IRF8: variants seen among roughly 807,000 people sequenced by gnomAD.
IRF8 encodes the protein interferon regulatory factor 8.
IRF8 carries 14 observed loss-of-function variants against 48.7 expected under a neutral mutation model. The ratio of observed to expected loss-of-function variants is 0.29; its 90% CI spans 0.19 to 0.45. The LOEUF is 0.45. Among genes scored for constraint, IRF8 ranks in the 20% least tolerant of loss-of-function variants. The pLI is 1.00. For missense variants in IRF8, 493 were observed against 580.7 expected, an observed-to-expected ratio of 0.85 and a Z score of 1.55; for synonymous variants, 278 against 227.3, an observed-to-expected ratio of 1.22 and a Z score of -2.01.
chr16:85,921,276 C>A lies in IRF8; in HGVS notation c.1275C>A (p.Thr425=). 1.2e-6 allele frequency: 2 copies of A among 1,613,716 alleles called. No individual in the cohort carries two copies. Among genetic ancestry groups the A allele is most frequent in the East Asian group, 4.5e-5 (2 of 44,888 alleles). Residue 425 remains threonine (T), a synonymous_variant, in exon 9 of 9, where the codon ACC becomes ACA. Coordinates refer to ENST00000268638, the MANE Select transcript of IRF8 (RefSeq NM_002163.4). ...RSFFRENQQI[T]V is the part of the protein sequence containing the mutation. ...TTTTCAGAGAAAACCAACAGATCAC[C>A]GTCTAAGTGCGTCGCTTGGGCGCCC...
chr16:85,901,366 C>T (rs1279758875), intron 1 of IRF8: 3 of 152,142 alleles, frequency 2.0e-5, no homozygotes, highest in African/African-American at 4.8e-5. Flanking sequence ...GTGGCTCACA[C>T]CTGTAATCAC....
intron 5 of IRF8, 169 bp downstream of exon 5, chr16:85,913,405 G>GGGCA (rs1312888649): frequency 3.1e-6 from 2 of 646,532 alleles, no homozygotes; most frequent in Non-Finnish European, 5.6e-6. Context: ...CCCAACATGA[G>GGGCA]GGCAGAGCCC....
chr16:85,904,812 C>CTTTTTTTTTTTTTTTTGTTTTTTTTTT (rs1904942372), intron 2 of IRF8, among the ~76,000 whole-genome samples: 1 of 87,598 alleles, frequency 1.1e-5, no homozygotes, highest in Non-Finnish European at 2.1e-5. Context: ...GATTGCAGAT[C>CTTTTTTTTTTTTTTTTGTTTTTTTTTT]TTTTTTTTTT....
At position 85,915,344 on chromosome 16, in the gene IRF8, G is replaced by A. The variant is rs1021840444; in HGVS notation, c.601+824G>A. Among the ~76,000 whole-genome samples, 5 of 152,240 alleles carry A rather than the reference G, an allele frequency of 3.3e-5. No individual in the cohort carries two copies. The East Asian group carries it at 5.8e-4, about 18-fold the overall frequency. On this transcript the variant is annotated intron_variant, in intron 6 of 8. Transcript: ENST00000268638. ...GGTCTCATCAGATGGGCCACAGAAC[G>A]TTAGGGCTGGGCCTCTGGGCAGGGG...
At chr16:85,913,579 C>T (rs546964453) in intron 5 of IRF8, among the ~76,000 whole-genome samples, 26 of 152,326 alleles carry the variant, frequency 1.7e-4, no homozygotes, top group Non-Finnish European at 2.4e-4. Flanking sequence ...CTCTTGGCCA[C>T]GCTGGCGCCC....
Position 85,906,347 on chromosome 16 carries a change from G to C in IRF8, c.175-2643G>C, listed in dbSNP as rs9938084. On this transcript the variant is annotated intron_variant, in intron 2 of 8. Coordinates refer to ENST00000268638, the MANE Select transcript of IRF8 (RefSeq NM_002163.4). ...AGTGACTGTTGCTGGCGGCAGGGGTGGGGGGGCCCTGAAATCACTCTCATG... is the reference window on the plus strand; with the variant it reads ...AGTGACTGTTGCTGGCGGCAGGGGTCGGGGGGCCCTGAAATCACTCTCATG... Among the ~76,000 whole-genome samples, 427 of 152,212 alleles carry C rather than the reference G, an allele frequency of 2.8e-3. 7 individuals carry two copies. Among genetic ancestry groups the C allele is most frequent in the Non-Finnish European group, 3.8e-3 (259 of 68,004 alleles).
intron 2 of IRF8, among the ~76,000 whole-genome samples, chr16:85,905,518 G>A (rs1429748947): frequency 6.6e-6 from 1 of 152,248 alleles, no homozygotes; most frequent in African/African-American, 2.4e-5. Flanking sequence ...CATCTCAGCA[G>A]GAATGGGGCC....
In IRF8 at chr16:85,910,270, A is replaced by G. The variant is rs997542556; in HGVS notation, c.358+1097A>G. 2.0e-5 allele frequency among the ~76,000 whole-genome samples: 3 copies of G among 152,138 alleles called. 1 individual carries two copies. The highest frequency in any genetic ancestry group is 6.3e-3 in the Middle Eastern group (2 of 316). On this transcript the variant is annotated intron_variant, in intron 3 of 8. Coordinates refer to ENST00000268638, the MANE Select transcript of IRF8 (RefSeq NM_002163.4). ...AGCCGATGCCCGACCCGGACAGTAC[A>G]ATTGCGGTTTGGGGCGTTTGTAGCC...
At chr16:85,915,632 C>T (rs776466087) in intron 6 of IRF8, among the ~76,000 whole-genome samples, 2 of 152,240 alleles carry the variant, frequency 1.3e-5, no homozygotes, top group Non-Finnish European at 2.9e-5. Flanking sequence ...TTCTTGAGGC[C>T]TCCTTGTGCC....
At chr16:85,914,183 A>AG (rs1905227644) in intron 5 of IRF8, 1 of 473,664 alleles carries the variant, frequency 2.1e-6, no homozygotes, top group Non-Finnish European at 3.9e-6. Flanking sequence ...TAAGTGCTTG[A>AG]GGTGGGAAGG....
In IRF8 at chr16:85,921,689, G is replaced by T; in HGVS notation, c.*407G>T. The T allele has an allele frequency of 7.8e-6, 2 of 256,584 alleles. No homozygotes were observed. The highest frequency in any genetic ancestry group is 4.5e-5 in the South Asian group (1 of 22,228). 15.9% of individuals were successfully genotyped at this position (256,584 alleles called of 1,614,324 possible). On this transcript the variant is annotated 3_prime_UTR_variant, in exon 9 of 9. Coordinates refer to ENST00000268638, the MANE Select transcript of IRF8 (RefSeq NM_002163.4). ...AACTTGTGAAAACAAGGTTGTTTTT[G>T]TCTTTATCGTTTGTTAGAGTTATAG...
chr16:85,902,184 G>C (rs1904845866), intron 1 of IRF8, among the ~76,000 whole-genome samples: 1 of 152,118 alleles, frequency 6.6e-6, no homozygotes, highest in Non-Finnish European at 1.5e-5. Flanking sequence ...GGTAGCTGCA[G>C]TTTATTTCCT....
intron 6 of IRF8, among the ~76,000 whole-genome samples, chr16:85,917,080 A>T (rs11117415): frequency 1.3e-5 from 2 of 152,192 alleles, no homozygotes; most frequent in Middle Eastern, 3.4e-3. Context: ...GCAGAGCCCA[A>T]TGGGAGGGTC....
chr16:85,915,212 T>G (rs1905263533), intron 6 of IRF8, among the ~76,000 whole-genome samples: 2 of 152,382 alleles, frequency 1.3e-5, no homozygotes, highest in East Asian at 3.9e-4. Context: ...GCTGCACTTC[T>G]GCCAGCTGCC....
chr16:85,921,539 C>G lies in IRF8; in HGVS notation c.*257C>G. The G allele has an allele frequency of 2.0e-6, 1 of 505,366 alleles. No individual in the cohort carries two copies. Among genetic ancestry groups the G allele is most frequent in the Non-Finnish European group, 3.6e-6 (1 of 277,918 alleles). 31.3% of individuals were successfully genotyped at this position (505,366 alleles called of 1,614,324 possible). ...AAAAATTTTATTTTCTATCCTTTAC[C>G]CGTCATTATCATTAGTTGCTATGAT... On this transcript the variant is annotated 3_prime_UTR_variant, in exon 9 of 9. Transcript: ENST00000268638.
intron 5 of IRF8, chr16:85,913,880 T>G: frequency 5.8e-6 from 1 of 171,718 alleles, no homozygotes; most frequent in Admixed American, 5.4e-5. Context: ...CCCAGCTGCT[T>G]GAAATGCCCC....
At chr16:85,903,368 A>G in intron 2 of IRF8, 179 bp downstream of exon 2, 1 of 633,616 alleles carries the variant, frequency 1.6e-6, no homozygotes, top group South Asian at 1.9e-5. Flanking sequence ...CTGATTTCAC[A>G]TCTTTTGAAT....
At position 85,913,347 on chromosome 16, in the gene IRF8, A is replaced by G. The variant is rs766966081; in HGVS notation, c.553+111A>G. On this transcript the variant is annotated intron_variant, in intron 5 of 8. Transcript: ENST00000268638. The stretch of plus-strand genomic sequence containing the variant: ...TTGTTGCTATCATGATCCATGTCTC[A>G]TTAAAGGTAGCTCAGCCCTGAGAGG... 12 of 795,806 alleles carry G rather than the reference A, an allele frequency of 1.5e-5. No homozygotes were observed. The South Asian group carries it at 1.5e-4, about 10-fold the overall frequency. 49.3% of individuals were successfully genotyped at this position (795,806 alleles called of 1,614,324 possible).
rs762649380 is a variant in IRF8 at position 85,921,290 on chromosome 16, G to C, written c.*8G>C. ...CAACAGATCACCGTCTAAGTGCGTC[G>C]CTTGGGCGCCCCACCCCGTCTGCGT... On this transcript the variant is annotated 3_prime_UTR_variant, in exon 9 of 9. Transcript: ENST00000268638. 6.2e-7 allele frequency: 1 copy of C among 1,612,878 alleles called. No homozygotes were observed. Among genetic ancestry groups the C allele is most frequent in the Admixed American group, 1.7e-5 (1 of 60,002 alleles).
Sources: gnomAD v4.1 joint callset for allele counts (sites outside exome capture counted in the v4.1 genomes callset) on GRCh38, gnomAD v4.1.1 for gene constraint, MANE v1.5 for transcripts, NCBI Gene and HGNC (gene_info 2026-07-23, HGNC 2026-07-21) for gene names.